Variants in TMEM156 observed in about 807,000 individuals in gnomAD.
The protein encoded by TMEM156 is transmembrane protein 156.
Under a neutral mutation model 30.5 loss-of-function variants are expected in TMEM156, and 28 were observed. The ratio of observed to expected loss-of-function variants is 0.92; its 90% CI spans 0.68 to 1.26. TMEM156 has a LOEUF of 1.26. Ranked by LOEUF, TMEM156 falls within the 50% of genes most tolerant of loss-of-function variation. The pLI is 0.00. For missense variants in TMEM156, 351 were observed against 340.6 expected (o/e 1.03, Z -0.24); for synonymous variants, 137 against 119.9 (o/e 1.14, Z -0.93).
chr4:38,990,836 T>TTTTTTTGTTTTTTTTTTG lies in TMEM156; in HGVS notation c.620-1867_620-1866insCAAAAAAAAAACAAAAAA, dbSNP rs1395437439. On this transcript the variant is annotated intron_variant, in intron 3 of 6. Transcript: ENST00000381938. ...TTTTTTGGTTTGTTTTCTGGTTTTT[T>TTTTTTTGTTTTTTTTTTG]TTTTTTTTTTTTTTTTTGAGAGGGA... Among the ~76,000 whole-genome samples, 52 of 118,358 alleles carry TTTTTTTGTTTTTTTTTTG rather than the reference T, an allele frequency of 4.4e-4. 1 individual carries two copies. The highest frequency in any genetic ancestry group is 1.6e-3 in the African/African-American group (52 of 33,468). 77.6% of individuals were successfully genotyped at this position (118,358 alleles called of 152,430 possible).
chr4:39,017,582 A>C (rs147153060), intron 1 of TMEM156, among the ~76,000 whole-genome samples: 44 of 152,238 alleles, frequency 2.9e-4, no homozygotes, highest in Admixed American at 7.2e-4. Context: ...AATTGTTTGA[A>C]TTGTCTATAT....
At chr4:39,018,532 T>C (rs1327563870) in intron 1 of TMEM156, among the ~76,000 whole-genome samples, 2 of 152,316 alleles carry the variant, frequency 1.3e-5, no homozygotes, top group Middle Eastern at 3.4e-3. Flanking sequence ...GAGGGTCTGA[T>C]GATTGTAAAC....
chr4:38,999,398 C>T (rs931656076), intron 1 of TMEM156, among the ~76,000 whole-genome samples: 13 of 152,232 alleles, frequency 8.5e-5, no homozygotes, highest in African/African-American at 2.9e-4. Flanking sequence ...TATAAAGAAG[C>T]GCTTGGAATC....
chr4:38,998,803 C>T lies in TMEM156; in HGVS notation c.195G>A (p.Arg65=). The change falls in exon 2 of 7, where the codon AGG becomes AGA. Residue 65 remains arginine, a synonymous_variant. Transcript: ENST00000381938. ...FSFVTFLQPV[R]ETQIIMRIFL... is the part of the protein sequence containing the mutation. ...AGATTCTCATGATAATCTGAGTTTC[C>T]CTTACTGGTTGCAGAAAAGTCACAA... The T allele has an allele frequency of 7.4e-6, 12 of 1,613,718 alleles. No homozygotes were observed. Among genetic ancestry groups the T allele is most frequent in the Middle Eastern group, 1.7e-4 (1 of 6,058 alleles).
rs1291086999 is a variant in TMEM156, at chr4:38,993,732, A to G, written c.619+6T>C. ...CCTTTTCCCTTTAGTTTCCTTAAAAACTTACTTTTTATATCCATCTCTAGG... is the reference window on the plus strand; with the variant it reads ...CCTTTTCCCTTTAGTTTCCTTAAAAGCTTACTTTTTATATCCATCTCTAGG... On this transcript the variant is annotated splice_donor_region_variant and intron_variant, in intron 3 of 6. Transcript: ENST00000381938. 2 of 1,608,994 alleles carry G rather than the reference A, an allele frequency of 1.2e-6. No homozygotes were observed. Among genetic ancestry groups the G allele is most frequent in the Non-Finnish European group, 1.7e-6 (2 of 1,175,978 alleles).
chr4:38,975,342 T>C (rs933421578), intron 5 of TMEM156, among the ~76,000 whole-genome samples: 8 of 151,994 alleles, frequency 5.3e-5, no homozygotes, highest in African/African-American at 1.7e-4. Flanking sequence ...ACACTAGAAG[T>C]TCCTAGCAGT....
intron 3 of TMEM156, among the ~76,000 whole-genome samples, chr4:38,992,714 A>T (rs1365482030): frequency 1.3e-4 from 6 of 44,838 alleles, no homozygotes; most frequent in South Asian, 1.5e-3. Context: ...TATATATATT[A>T]TATATATATA....
rs117227671 is a variant in TMEM156, at chr4:38,991,540, C to T, written c.619+2198G>A. ...TGCCCAGCCACCTTTAACTTTCTAC[C>T]CATGGCAAAATGAATATACTTTTCG... is the stretch of plus-strand genomic sequence containing the variant. On this transcript the variant is annotated intron_variant, in intron 3 of 6. Transcript: ENST00000381938. Among the ~76,000 whole-genome samples the T allele has an allele frequency of 5.3e-4, 81 of 152,098 alleles. 1 individual carries two copies. The East Asian group carries it at 0.013, about 25-fold the overall frequency.
chr4:38,990,158 A>T (rs1712318387), intron 3 of TMEM156, among the ~76,000 whole-genome samples: 1 of 152,234 alleles, frequency 6.6e-6, no homozygotes, highest in African/African-American at 2.4e-5. Context: ...GACAGCTAGT[A>T]CTTATGCACC....
chr4:39,002,457 A>C (rs1310521681), intron 1 of TMEM156, among the ~76,000 whole-genome samples: 1 of 131,166 alleles, frequency 7.6e-6, no homozygotes, highest in African/African-American at 2.6e-5. Context: ...TAGTTCAACC[A>C]TTGTGGAAGT....
At chr4:39,010,451 C>A (rs1418922214) in intron 1 of TMEM156, among the ~76,000 whole-genome samples, 1 of 152,046 alleles carries the variant, frequency 6.6e-6, no homozygotes, top group Non-Finnish European at 1.5e-5. Flanking sequence ...CCAAAATAGC[C>A]AAAGCAATCC....
Position 38,992,685 on chromosome 4 carries a change from TA to T in TMEM156, c.619+1052del, listed in dbSNP as rs1368011768. On this transcript the variant is annotated intron_variant, in intron 3 of 6. Transcript: ENST00000381938. ...TGCTACATATATATATAATATATTA[TA>T]TAATATATTATATAATATATATATA... Among the ~76,000 whole-genome samples the T allele has an allele frequency of 7.0e-3, 303 of 43,114 alleles. 1 individual carries two copies. Among genetic ancestry groups the T allele is most frequent in the Non-Finnish European group, 0.012 (257 of 21,016 alleles). The allele number at this position is 43,114 out of a possible 152,430, so 28.3% of individuals were successfully genotyped here.
At chr4:39,007,736 C>T (rs1713839952) in intron 1 of TMEM156, among the ~76,000 whole-genome samples, 2 of 152,190 alleles carry the variant, frequency 1.3e-5, no homozygotes, top group South Asian at 4.1e-4. Context: ...AGATTACAGG[C>T]ATGAGCCACT....
chr4:38,988,826 T>C, intron 4 of TMEM156, 25 bp downstream of exon 4: 1 of 1,613,422 alleles, frequency 6.2e-7, no homozygotes, highest in South Asian at 1.1e-5. Flanking sequence ...CAGGAGTTCC[T>C]CGGCACTACA....
chr4:39,031,886 AAAAATAAAAAAT>A (rs1560391455), intron 1 of TMEM156, among the ~76,000 whole-genome samples: 2 of 103,166 alleles, frequency 1.9e-5, no homozygotes, highest in Non-Finnish European at 4.2e-5. Context: ...CTCAAAAAAA[AAAAATAAAAAAT>A]AAAAAAATAA....
chr4:39,006,070 A>G lies in TMEM156; in HGVS notation c.89-7161T>C, dbSNP rs1713714167. On this transcript the variant is annotated intron_variant, in intron 1 of 6. Coordinates refer to ENST00000381938, the MANE Select transcript of TMEM156 (RefSeq NM_024943.3). ...GCCGCCATGCCTGGCTAATTTTTGTATTTTTAATAGAGATGAAGTTTCACA... is the reference window on the plus strand; with the variant it reads ...GCCGCCATGCCTGGCTAATTTTTGTGTTTTTAATAGAGATGAAGTTTCACA... Among the ~76,000 whole-genome samples the G allele has an allele frequency of 2.0e-5, 3 of 152,092 alleles. No individual in the cohort carries two copies. In the South Asian group the frequency reaches 6.2e-4, roughly 32 times the overall value.
At chr4:38,992,725 A>ATATATAATATAT (rs1712598129) in intron 3 of TMEM156, among the ~76,000 whole-genome samples, 1 of 51,116 alleles carries the variant, frequency 2.0e-5, no homozygotes, top group Non-Finnish European at 4.1e-5. Flanking sequence ...TATATATATA[A>ATATATAATATAT]TATATATATA....
Position 39,031,905 on chromosome 4 carries a change from A to AAAAC in TMEM156, c.88+320_88+321insGTTT, listed in dbSNP as rs60499521. ...AAAAAAAAAAATAAAAAATAAAAAA[A>AAAAC]TAAAAAAAAACTGCTTTGAAGAAAG... On this transcript the variant is annotated intron_variant, in intron 1 of 6. Coordinates refer to ENST00000381938, the MANE Select transcript of TMEM156 (RefSeq NM_024943.3). 3.6e-4 allele frequency among the ~76,000 whole-genome samples: 46 copies of AAAAC among 129,222 alleles called. 2 individuals are homozygous for AAAAC. Among genetic ancestry groups the AAAAC allele is most frequent in the Admixed American group, 1.0e-3 (12 of 11,998 alleles). 84.8% of individuals were successfully genotyped at this position (129,222 alleles called of 152,430 possible).
At chr4:39,012,874 A>T (rs112341634) in intron 1 of TMEM156, among the ~76,000 whole-genome samples, 1 of 152,114 alleles carries the variant, frequency 6.6e-6, no homozygotes, top group African/African-American at 2.4e-5. Context: ...AGGGAGGCAG[A>T]CGTTGCAGTG....
Sources: gnomAD v4.1 joint callset for allele counts (sites outside exome capture counted in the v4.1 genomes callset) on GRCh38, gnomAD v4.1.1 for gene constraint, MANE v1.5 for transcripts, NCBI Gene and HGNC (gene_info 2026-07-23, HGNC 2026-07-21) for gene names.